DLGAP2: variants seen among roughly 807,000 people sequenced by gnomAD.
DLGAP2 encodes the protein disks large-associated protein 2.
Under a neutral mutation model 100.3 loss-of-function variants are expected in DLGAP2, and 26 were observed. The ratio of observed to expected loss-of-function variants is 0.26; its 90% confidence interval spans 0.19 to 0.36. DLGAP2 has a LOEUF of 0.36. Among genes scored for constraint, DLGAP2 ranks in the 10% least tolerant of loss-of-function variants. DLGAP2 has a pLI of 1.00. For missense variants in DLGAP2, 1,858 were observed against 1,453.2 expected, an observed-to-expected ratio of 1.28 and a Z score of -4.53; for synonymous variants, 886 against 630.1, an observed-to-expected ratio of 1.41 and a Z score of -6.08.
At chr8:1,449,973 G>GGTGGCT (rs1300451821) in intron 3 of DLGAP2, among the ~76,000 whole-genome samples, 36 of 60,786 alleles carry the variant, frequency 5.9e-4, no homozygotes, top group Middle Eastern at 0.016. Flanking sequence ...GGGCGGCCTC[G>GGTGGCT]GTGACTGAGG....
At chr8:1,146,053 G>A (rs994230605) in intron 2 of DLGAP2, among the ~76,000 whole-genome samples, 8 of 152,046 alleles carry the variant, frequency 5.3e-5, no homozygotes, top group African/African-American at 1.9e-4. Context: ...GAGCATGCCT[G>A]TCCCCTCTAA....
chr8:866,270 C>T (rs755417283), intron 1 of DLGAP2, among the ~76,000 whole-genome samples: 6 of 152,194 alleles, frequency 3.9e-5, no homozygotes, highest in Non-Finnish European at 7.3e-5. Context: ...CTCTCATGGA[C>T]TCTCTTCTAC....
intron 4 of DLGAP2, among the ~76,000 whole-genome samples, chr8:1,539,201 T>C (rs959129056): frequency 1.3e-5 from 2 of 152,156 alleles, no homozygotes; most frequent in African/African-American, 4.8e-5. Flanking sequence ...CTCATCTTTT[T>C]TCGTTTGTTT....
intron 7 of DLGAP2, among the ~76,000 whole-genome samples, chr8:1,630,125 G>A (rs1797605572): frequency 6.6e-6 from 1 of 152,018 alleles, no homozygotes; most frequent in Non-Finnish European, 1.5e-5. Flanking sequence ...ATTGAACTCA[G>A]TTTTGAATTC....
chr8:1,340,542 C>T (rs1018383806), intron 3 of DLGAP2, among the ~76,000 whole-genome samples: 3 of 152,220 alleles, frequency 2.0e-5, no homozygotes, highest in Admixed American at 6.5e-5. Flanking sequence ...CGTCTCACAG[C>T]AGTCAGAATG....
intron 3 of DLGAP2, among the ~76,000 whole-genome samples, chr8:1,318,778 G>GCCCCCCCCCCCCC (rs34614425): frequency 3.8e-5 from 4 of 105,572 alleles, no homozygotes; most frequent in African/African-American, 8.6e-5. Flanking sequence ...TCAGTGATCA[G>GCCCCCCCCCCCCC]CCCCCCCCCC....
At chr8:1,386,134 A>G (rs1337243468) in intron 3 of DLGAP2, among the ~76,000 whole-genome samples, 1 of 152,266 alleles carries the variant, frequency 6.6e-6, no homozygotes, top group Non-Finnish European at 1.5e-5. Flanking sequence ...AATAAGAGTA[A>G]AAAGATGAGA....
intron 2 of DLGAP2, among the ~76,000 whole-genome samples, chr8:1,122,530 T>C (rs1796072538): frequency 6.6e-6 from 1 of 152,208 alleles, no homozygotes; most frequent in Non-Finnish European, 1.5e-5. Flanking sequence ...CCTTTTTCTT[T>C]TATCATAAAC....
intron 2 of DLGAP2, among the ~76,000 whole-genome samples, chr8:1,204,204 G>C (rs908999167): frequency 1.3e-5 from 2 of 152,222 alleles, no homozygotes; most frequent in Non-Finnish European, 2.9e-5. Context: ...GAATATCAGC[G>C]GGTTTTTATC....
chr8:1,552,157 G>A lies in DLGAP2; in HGVS notation c.1230+2474G>A, dbSNP rs532272765. ...CTGACGCCACTGGCCTCCCTCTCAC[G>A]TCCACTCAGATGACACATCCTCGGA... is the stretch of plus-strand genomic sequence containing the variant. On this transcript the variant is annotated intron_variant, in intron 5 of 14. Coordinates refer to ENST00000637795, the MANE Select transcript of DLGAP2 (RefSeq NM_001346810.2). Among the ~76,000 whole-genome samples the A allele has an allele frequency of 3.9e-5, 6 of 152,244 alleles. No homozygotes were observed. The East Asian group carries it at 7.7e-4, about 20-fold the overall frequency.
chr8:1,135,904 C>T (rs746060598), intron 2 of DLGAP2, among the ~76,000 whole-genome samples: 2 of 152,170 alleles, frequency 1.3e-5, no homozygotes, highest in Non-Finnish European at 2.9e-5. Flanking sequence ...TAATCACAAG[C>T]AATCATTTTT....
chr8:996,626 A>G (rs539448735), intron 2 of DLGAP2, among the ~76,000 whole-genome samples: 14 of 152,318 alleles, frequency 9.2e-5, no homozygotes, highest in South Asian at 8.3e-4. Flanking sequence ...ATATAAAAGG[A>G]TCTTTGCAGA....
At chr8:1,657,682 G>A (rs1225003720) in intron 8 of DLGAP2, among the ~76,000 whole-genome samples, 4 of 152,138 alleles carry the variant, frequency 2.6e-5, no homozygotes, top group Admixed American at 2.0e-4. Context: ...TGGATGCAGT[G>A]ATATACTTCC....
intron 2 of DLGAP2, among the ~76,000 whole-genome samples, chr8:1,249,389 C>G (rs547270065): frequency 1.4e-4 from 21 of 152,264 alleles, no homozygotes; most frequent in African/African-American, 3.6e-4. Flanking sequence ...TTCCTTATGT[C>G]ATCTCTTCAG....
rs561108031 is a variant in DLGAP2, at chr8:1,273,877, G to A, written c.106+14994G>A. Among the ~76,000 whole-genome samples the A allele has an allele frequency of 2.0e-5, 3 of 152,316 alleles. No individual in the cohort carries two copies. The South Asian group carries it at 6.2e-4, about 32-fold the overall frequency. On this transcript the variant is annotated intron_variant, in intron 3 of 14. Coordinates refer to ENST00000637795, the MANE Select transcript of DLGAP2 (RefSeq NM_001346810.2). ...ATGGGAGACTTTAAATGAAATTTAT[G>A]GACTTTAATATCTTCATATATAGCC...
At chr8:1,036,497 G>A (rs933050179) in intron 2 of DLGAP2, among the ~76,000 whole-genome samples, 2 of 152,234 alleles carry the variant, frequency 1.3e-5, no homozygotes, top group Admixed American at 1.3e-4. Flanking sequence ...GACGGTCGGG[G>A]GAGGTTCTCT....
chr8:1,088,295 C>T (rs1804043723), intron 2 of DLGAP2, among the ~76,000 whole-genome samples: 1 of 152,166 alleles, frequency 6.6e-6, no homozygotes, highest in African/African-American at 2.4e-5. Flanking sequence ...TGTTCCATAT[C>T]CGTCTGTCTG....
At chr8:1,551,636 C>T (rs1801769351) in intron 5 of DLGAP2, among the ~76,000 whole-genome samples, 1 of 145,822 alleles carries the variant, frequency 6.9e-6, no homozygotes, top group Non-Finnish European at 1.6e-5. Flanking sequence ...AATGAACCCA[C>T]ACACCGTCAG....
chr8:1,684,589 TTCAG>T (rs1232299724), intron 12 of DLGAP2, among the ~76,000 whole-genome samples: 3 of 152,136 alleles, frequency 2.0e-5, no homozygotes, highest in Admixed American at 1.3e-4. Flanking sequence ...TGAATCTAGA[TTCAG>T]TCAGTCTTCT....
Sources: gnomAD v4.1 joint callset for allele counts (sites outside exome capture counted in the v4.1 genomes callset) on GRCh38, gnomAD v4.1.1 for gene constraint, MANE v1.5 for transcripts, NCBI Gene and HGNC (gene_info 2026-07-23, HGNC 2026-07-21) for gene names.